The following PALLD variants were observed in gnomAD, a reference collection of about 807,000 sequenced individuals.
PALLD encodes palladin, cytoskeletal associated protein.
Under a neutral mutation model 123.5 loss-of-function variants are expected in PALLD, and 61 were observed. The observed-to-expected ratio is 0.49, with a 90% CI of 0.40 to 0.61. PALLD has a LOEUF of 0.61. PALLD is among the 20% of genes least tolerant of loss of function. PALLD has a pLI of 0.00. For missense variants in PALLD, 1,273 were observed against 1,377.0 expected (o/e 0.92, Z 1.20); for synonymous variants, 465 against 496.4 (o/e 0.94, Z 0.84).
chr4:168,898,670 C>T lies in PALLD; in HGVS notation c.2428C>T (p.Pro810Ser), dbSNP rs1755797976. 1.9e-6 allele frequency: 3 copies of T among 1,613,828 alleles called. No individual in the cohort carries two copies. The highest frequency in any genetic ancestry group is 1.7e-6 in the Non-Finnish European group (2 of 1,179,884). ...LKHYKIFEGM[P>S]VTFTCRVAGN... ...ACATTACAAGATCTTTGAGGGAATG[C>T]CAGTAACTTTCACATGTAGAGTGGC... The change falls in exon 14 of 22, where the codon CCA (proline) becomes TCA (serine). Residue 810 changes from proline (P) to serine (S), a missense_variant. Pro to Ser is a moderately conservative substitution (Grantham distance 74). Around this residue, in one of 2 missense-constraint regions of PALLD, gnomAD observed 329 missense variants for 422.5 expected, o/e 0.78. Transcript: ENST00000505667.
At chr4:168,709,861 G>T (rs1231933382) in intron 9 of PALLD, among the ~76,000 whole-genome samples, 1 of 151,996 alleles carries the variant, frequency 6.6e-6, no homozygotes, top group African/African-American at 2.4e-5. Flanking sequence ...GTGCAGTCTT[G>T]GTCTTGGAAA....
intron 10 of PALLD, among the ~76,000 whole-genome samples, chr4:168,842,281 G>A (rs886871666): frequency 2.6e-5 from 4 of 152,122 alleles, no homozygotes; most frequent in South Asian, 2.1e-4. Context: ...ATTACAAATC[G>A]GGAAAACATG....
At chr4:168,563,148 G>A (rs956438085) in intron 2 of PALLD, among the ~76,000 whole-genome samples, 1 of 152,114 alleles carries the variant, frequency 6.6e-6, no homozygotes, top group Non-Finnish European at 1.5e-5. Context: ...TGGTGGGTGG[G>A]CAGGTTTCAC....
At chr4:168,833,763 T>A (rs1030719974) in intron 10 of PALLD, among the ~76,000 whole-genome samples, 1 of 149,266 alleles carries the variant, frequency 6.7e-6, no homozygotes, top group Middle Eastern at 3.4e-3. Flanking sequence ...CCCAAAACAA[T>A]TTTTTTCCCC....
In PALLD at chr4:168,876,600, G is replaced by C. The variant is rs1463592602; in HGVS notation, c.1965-14322G>C. ...AGACACAGGACAGAGTTTAGAACTT[G>C]CTGATGTTCCCACAGCTCATGATAC... On this transcript the variant is annotated intron_variant, in intron 10 of 21. Coordinates refer to ENST00000505667, the MANE Select transcript of PALLD (RefSeq NM_001166108.2). Among the ~76,000 whole-genome samples the C allele has an allele frequency of 2.6e-5, 4 of 152,308 alleles. No individual in the cohort carries two copies. The East Asian group carries it at 7.7e-4, about 29-fold the overall frequency.
At chr4:168,784,680 G>T (rs1266247438) in intron 10 of PALLD, among the ~76,000 whole-genome samples, 1 of 152,230 alleles carries the variant, frequency 6.6e-6, no homozygotes, top group Non-Finnish European at 1.5e-5. Context: ...ACAAACTGCT[G>T]CTGTCAACCC....
chr4:168,861,782 A>G (rs1749513527), intron 10 of PALLD, among the ~76,000 whole-genome samples: 1 of 151,952 alleles, frequency 6.6e-6, no homozygotes, highest in South Asian at 2.1e-4. Flanking sequence ...CAGCCTCCCG[A>G]GTAGCTGGGA....
intron 2 of PALLD, among the ~76,000 whole-genome samples, chr4:168,513,309 A>T (rs1762700225): frequency 6.6e-6 from 1 of 152,218 alleles, no homozygotes; most frequent in South Asian, 2.1e-4. Flanking sequence ...CCACTAGAGC[A>T]TGGAGACAGC....
intron 2 of PALLD, among the ~76,000 whole-genome samples, chr4:168,588,909 C>T (rs1771120937): frequency 6.6e-6 from 1 of 152,188 alleles, no homozygotes; most frequent in Non-Finnish European, 1.5e-5. Context: ...CTATGAAATA[C>T]TCAATTTGCA....
intron 2 of PALLD, among the ~76,000 whole-genome samples, chr4:168,513,967 A>G (rs917258661): frequency 2.6e-5 from 4 of 152,074 alleles, no homozygotes; most frequent in African/African-American, 9.7e-5. Context: ...TTAGCCAGGC[A>G]TGGAGGCGAG....
chr4:168,878,034 C>A, intron 10 of PALLD: 1 of 1,489,464 alleles, frequency 6.7e-7, no homozygotes, highest in South Asian at 1.3e-5. Context: ...CCCAGCTCGT[C>A]CAGCCTCCCG....
At chr4:168,811,106 T>A (rs2150740184) in intron 10 of PALLD, among the ~76,000 whole-genome samples, 1 of 152,346 alleles carries the variant, frequency 6.6e-6, no homozygotes. Context: ...GCAGCATTTA[T>A]TACAGTGAAT....
chr4:168,626,531 G>A (rs1038774530), intron 2 of PALLD, among the ~76,000 whole-genome samples: 12 of 151,638 alleles, frequency 7.9e-5, no homozygotes, highest in African/African-American at 2.9e-4. Context: ...GAAACGTGGC[G>A]AAACCCATGC....
At chr4:168,652,668 A>G (rs1561351997) in intron 2 of PALLD, among the ~76,000 whole-genome samples, 1 of 152,218 alleles carries the variant, frequency 6.6e-6, no homozygotes, top group African/African-American at 2.4e-5. Context: ...AAGCTTTCCT[A>G]GGAGAGGAAA....
At chr4:168,587,165 G>A (rs182108305) in intron 2 of PALLD, among the ~76,000 whole-genome samples, 4 of 152,246 alleles carry the variant, frequency 2.6e-5, no homozygotes, top group South Asian at 2.1e-4. Flanking sequence ...TGAAGAATGC[G>A]GGTGTGTAGA....
At chr4:168,832,018 C>T in intron 10 of PALLD, 1 of 985,406 alleles carries the variant, frequency 1.0e-6, no homozygotes, top group South Asian at 4.7e-5. Flanking sequence ...TTTTGAAGGG[C>T]GGCGGGTGAA....
chr4:168,917,052 T>G (rs1455043939), intron 17 of PALLD, among the ~76,000 whole-genome samples: 8 of 148,040 alleles, frequency 5.4e-5, no homozygotes, highest in Admixed American at 2.0e-4. Flanking sequence ...TTTTGGGGTT[T>G]TTTTTTTTTT....
chr4:168,786,029 A>G (rs4467516), intron 10 of PALLD, among the ~76,000 whole-genome samples: 81,033 of 150,972 alleles, frequency 0.54, 22,625 homozygotes, highest in Non-Finnish European at 0.63. Flanking sequence ...AAATAGTATG[A>G]TAGAAGTATA....
At chr4:168,848,974 G>A (rs912458018) in intron 10 of PALLD, among the ~76,000 whole-genome samples, 1 of 152,178 alleles carries the variant, frequency 6.6e-6, no homozygotes, top group Non-Finnish European at 1.5e-5. Flanking sequence ...AAAGATGAGA[G>A]GGGGTTATTT....
Sources: allele counts gnomAD v4.1 joint callset (sites outside exome capture counted in the v4.1 genomes callset), GRCh38; gene constraint gnomAD v4.1.1; regional missense constraint gnomAD v4.1.1; transcripts MANE v1.5; gene names NCBI Gene and HGNC (gene_info 2026-07-23, HGNC 2026-07-21).